The following TSHR variants were observed in gnomAD, a reference collection of about 807,000 sequenced individuals.
The protein encoded by TSHR is thyrotropin receptor.
Under a neutral mutation model 64.1 loss-of-function variants are expected in TSHR, and 51 were observed. The ratio of observed to expected loss-of-function variants is 0.80; its 90% CI spans 0.64 to 1.01. The LOEUF (loss-of-function observed/expected upper bound fraction) is 1.01. Ranked by LOEUF, TSHR falls within the 50% of genes least tolerant of loss-of-function variation. TSHR has a pLI of 0.00. For synonymous variants in TSHR, 361 were observed against 361.9 expected (o/e 1.00, Z 0.03); for missense variants, 877 against 942.8 (o/e 0.93, Z 0.91).
chr14:80,993,751 A>G (rs767717286), intron 1 of TSHR: 44 of 152,052 alleles, frequency 2.9e-4, no homozygotes, highest in Admixed American at 1.2e-3. Context: ...TGCCTCAAAT[A>G]CCTGGATATT....
chr14:80,977,107 C>T (rs1392400785), intron 1 of TSHR, among the ~76,000 whole-genome samples: 1 of 152,206 alleles, frequency 6.6e-6, no homozygotes, highest in South Asian at 2.1e-4. Context: ...CAGGCTCATT[C>T]GTCTCCTCCT....
chr14:81,008,529 G>A (rs991896042), intron 1 of TSHR, among the ~76,000 whole-genome samples: 2 of 152,112 alleles, frequency 1.3e-5, no homozygotes, highest in Admixed American at 6.6e-5. Context: ...TATCTTGGAC[G>A]TGAACTCTAG....
intron 3 of TSHR, among the ~76,000 whole-genome samples, chr14:81,068,732 T>C (rs1489108569): frequency 6.6e-6 from 1 of 152,236 alleles, no homozygotes; most frequent in Non-Finnish European, 1.5e-5. Context: ...ATTAGAATAG[T>C]AGGGAATTTA....
rs535422593 is a variant in TSHR, at chr14:81,113,858, G to C, written c.692+5406G>C. 1.1e-4 allele frequency among the ~76,000 whole-genome samples: 16 copies of C among 152,174 alleles called. No homozygotes were observed. In the East Asian group the frequency reaches 1.9e-3, roughly 18 times the overall value. On this transcript the variant is annotated intron_variant, in intron 8 of 9. Transcript: ENST00000298171. ...CACTGAAGCTGGTCAGTCTCATTCTGCACAGTCAAGCACTACTTCTTACTC... is the reference window on the plus strand; with the variant it reads ...CACTGAAGCTGGTCAGTCTCATTCTCCACAGTCAAGCACTACTTCTTACTC...
Position 81,085,707 on chromosome 14 carries a change from T to C in TSHR, c.318-2247T>C, listed in dbSNP as rs574752324. ...CTCAGGACTACTCGTTCAACGACAG[T>C]CTCTTGTGGAGCAATTTTCCAGACT... On this transcript the variant is annotated intron_variant, in intron 3 of 9. Transcript: ENST00000298171. 2.6e-5 allele frequency among the ~76,000 whole-genome samples: 4 copies of C among 152,314 alleles called. No individual in the cohort carries two copies. The East Asian group carries it at 7.7e-4, about 29-fold the overall frequency.
At chr14:81,102,776 A>T in intron 7 of TSHR, 1 of 985,258 alleles carries the variant, frequency 1.0e-6, no homozygotes, top group Non-Finnish European at 1.2e-6. Context: ...AAAAGTATTC[A>T]GTGAGGATGA....
intron 3 of TSHR, among the ~76,000 whole-genome samples, chr14:81,070,042 A>C (rs1178277523): frequency 6.6e-6 from 1 of 152,184 alleles, no homozygotes; most frequent in African/African-American, 2.4e-5. Flanking sequence ...AAGGAGAATT[A>C]GTAATCTGGA....
chr14:80,998,051 C>A (rs889201681), intron 1 of TSHR, among the ~76,000 whole-genome samples: 1 of 152,140 alleles, frequency 6.6e-6, no homozygotes, highest in Non-Finnish European at 1.5e-5. Context: ...CATTATGAAC[C>A]ACCCAGTGCC....
At chr14:80,957,964 G>A (rs933495412) in intron 1 of TSHR, 5 of 152,192 alleles carry the variant, frequency 3.3e-5, no homozygotes, top group African/African-American at 1.2e-4. Context: ...AGTATGTCCT[G>A]AAGAATAAAG....
intron 3 of TSHR, among the ~76,000 whole-genome samples, chr14:81,070,112 A>G (rs1292081422): frequency 6.6e-6 from 1 of 152,136 alleles, no homozygotes; most frequent in Non-Finnish European, 1.5e-5. Context: ...AATAAGAAAT[A>G]TATAGCACAA....
intron 1 of TSHR, among the ~76,000 whole-genome samples, chr14:80,988,306 C>T (rs891016586): frequency 6.6e-6 from 1 of 152,140 alleles, no homozygotes; most frequent in African/African-American, 2.4e-5. Flanking sequence ...CTGGCATCTA[C>T]TTGGCTTCTG....
chr14:81,076,405 T>C (rs1486525890), intron 3 of TSHR, among the ~76,000 whole-genome samples: 2 of 152,208 alleles, frequency 1.3e-5, no homozygotes, highest in Non-Finnish European at 2.9e-5. Context: ...CCCAAATTTA[T>C]ATATCTAGTT....
intron 1 of TSHR, among the ~76,000 whole-genome samples, chr14:80,981,695 C>T (rs1330026092): frequency 2.0e-5 from 3 of 152,116 alleles, no homozygotes; most frequent in Non-Finnish European, 2.9e-5. Context: ...ATCCAAGGTC[C>T]ATCACCGCTG....
intron 8 of TSHR, among the ~76,000 whole-genome samples, chr14:81,112,231 A>G (rs1204114600): frequency 6.6e-6 from 1 of 152,208 alleles, no homozygotes; most frequent in Non-Finnish European, 1.5e-5. Context: ...TAAAGTTTAA[A>G]TAAGATAATA....
chr14:80,989,683 G>T (rs775668776), intron 1 of TSHR, among the ~76,000 whole-genome samples: 1 of 152,088 alleles, frequency 6.6e-6, no homozygotes, highest in African/African-American at 2.4e-5. Context: ...TTCCCACAGC[G>T]TGTGGATTGC....
At chr14:81,110,940 C>T (rs1361473671) in intron 8 of TSHR, among the ~76,000 whole-genome samples, 1 of 152,028 alleles carries the variant, frequency 6.6e-6, no homozygotes, top group African/African-American at 2.4e-5. Flanking sequence ...ATTGCTTTTG[C>T]TTTTATGAAA....
intron 7 of TSHR, among the ~76,000 whole-genome samples, chr14:81,105,371 G>A (rs957963673): frequency 2.0e-5 from 3 of 152,188 alleles, no homozygotes; most frequent in Non-Finnish European, 2.9e-5. Context: ...CTGATGCAAG[G>A]TTGAAAAGCT....
chr14:80,963,231 T>C (rs1373476024), intron 1 of TSHR, among the ~76,000 whole-genome samples: 1 of 152,212 alleles, frequency 6.6e-6, no homozygotes, highest in Non-Finnish European at 1.5e-5. Flanking sequence ...GATTCTCATT[T>C]CTATTGTTAA....
chr14:80,985,877 T>A (rs895068838), intron 1 of TSHR, among the ~76,000 whole-genome samples: 15 of 152,244 alleles, frequency 9.9e-5, no homozygotes, highest in Non-Finnish European at 1.5e-5. Flanking sequence ...CACATTTTCA[T>A]TAAGTGTATA....
Sources: allele counts gnomAD v4.1 joint callset (sites outside exome capture counted in the v4.1 genomes callset), GRCh38; gene constraint gnomAD v4.1.1; transcripts MANE v1.5; gene names NCBI Gene and HGNC (gene_info 2026-07-23, HGNC 2026-07-21).